SH3GL2: variants seen among roughly 807,000 people sequenced by gnomAD.
SH3GL2 encodes the protein endophilin-A1.
In SH3GL2, 24 loss-of-function variants were observed where a neutral mutation model predicts 46.0. That is an observed-to-expected ratio of 0.52 (90% CI 0.38 to 0.73). The LOEUF (loss-of-function observed/expected upper bound fraction) is 0.73, where lower values mean the gene tolerates loss of function less well. SH3GL2 is among the 30% of genes least tolerant of loss of function. The pLI, the probability that SH3GL2 is intolerant of heterozygous loss-of-function variation, is 0.00. For synonymous variants in SH3GL2, 196 were observed against 147.1 expected (o/e 1.33, Z -2.40); for missense variants, 413 against 424.2 (o/e 0.97, Z 0.23).
At chr9:17,671,639 A>T (rs1042887382) in intron 1 of SH3GL2, among the ~76,000 whole-genome samples, 2 of 152,188 alleles carry the variant, frequency 1.3e-5, no homozygotes, top group African/African-American at 2.4e-5. Context: ...AAACTAAAAA[A>T]AATTATAAAA....
At chr9:17,775,217 A>G (rs1311056140) in intron 3 of SH3GL2, among the ~76,000 whole-genome samples, 2 of 151,816 alleles carry the variant, frequency 1.3e-5, no homozygotes. Context: ...AATTTTGTTG[A>G]TCTTTTCCAA....
intron 1 of SH3GL2, among the ~76,000 whole-genome samples, chr9:17,587,942 A>G (rs1365545798): frequency 6.6e-6 from 1 of 151,680 alleles, no homozygotes; most frequent in African/African-American, 2.4e-5. Flanking sequence ...TAGGCTTCTG[A>G]TGTGTTTTCT....
intron 3 of SH3GL2, among the ~76,000 whole-genome samples, chr9:17,783,321 T>C (rs1161862322): frequency 6.6e-6 from 1 of 151,654 alleles, no homozygotes; most frequent in Non-Finnish European, 1.5e-5. Flanking sequence ...TTTGTTTGGA[T>C]TAGGAAATAA....
chr9:17,613,307 C>G (rs955418323), intron 1 of SH3GL2, among the ~76,000 whole-genome samples: 1 of 152,200 alleles, frequency 6.6e-6, no homozygotes, highest in Non-Finnish European at 1.5e-5. Flanking sequence ...TTTTCAACCA[C>G]TTTCTCTGTA....
At chr9:17,750,799 A>G (rs993146578) in intron 2 of SH3GL2, among the ~76,000 whole-genome samples, 3 of 152,184 alleles carry the variant, frequency 2.0e-5, no homozygotes, top group African/African-American at 7.2e-5. Flanking sequence ...GTACAGTTAC[A>G]TTCATTAATT....
intron 1 of SH3GL2, among the ~76,000 whole-genome samples, chr9:17,673,634 T>C (rs1293337333): frequency 2.0e-5 from 3 of 152,190 alleles, no homozygotes; most frequent in Non-Finnish European, 4.4e-5. Flanking sequence ...TAGCCAGCCA[T>C]GATCTCCTTG....
intron 1 of SH3GL2, among the ~76,000 whole-genome samples, chr9:17,728,038 G>C (rs1051543747): frequency 6.6e-6 from 1 of 152,136 alleles, no homozygotes; most frequent in African/African-American, 2.4e-5. Context: ...CATTGTATTT[G>C]TTACATGTTA....
chr9:17,626,122 G>T (rs145555881), intron 1 of SH3GL2, among the ~76,000 whole-genome samples: 1 of 152,192 alleles, frequency 6.6e-6, no homozygotes, highest in African/African-American at 2.4e-5. Context: ...GGCTCTGGCC[G>T]CAGGACACAG....
At chr9:17,606,568 T>G (rs565203952) in intron 1 of SH3GL2, among the ~76,000 whole-genome samples, 185 of 152,320 alleles carry the variant, frequency 1.2e-3, no homozygotes, top group African/African-American at 4.2e-3. Flanking sequence ...CAGTTCAGTT[T>G]CTTCTTTGTA....
At chr9:17,597,192 T>A (rs1195126953) in intron 1 of SH3GL2, among the ~76,000 whole-genome samples, 1 of 152,112 alleles carries the variant, frequency 6.6e-6, no homozygotes, top group East Asian at 1.9e-4. Flanking sequence ...AAACTTCGGG[T>A]TTTGGTCCTT....
chr9:17,659,663 T>C (rs1468454817), intron 1 of SH3GL2, among the ~76,000 whole-genome samples: 2 of 152,190 alleles, frequency 1.3e-5, no homozygotes, highest in Non-Finnish European at 2.9e-5. Flanking sequence ...ATGCGTTTAC[T>C]CTCAGAGTTT....
At chr9:17,685,760 A>G (rs559454345) in intron 1 of SH3GL2, among the ~76,000 whole-genome samples, 10 of 151,892 alleles carry the variant, frequency 6.6e-5, no homozygotes, top group African/African-American at 2.4e-4. Context: ...ATAGTTGTAG[A>G]TATGCGGCGT....
intron 1 of SH3GL2, among the ~76,000 whole-genome samples, chr9:17,643,661 C>G (rs953814108): frequency 2.6e-5 from 4 of 152,162 alleles, no homozygotes; most frequent in African/African-American, 7.2e-5. Flanking sequence ...GTTGAAGCAG[C>G]CTTGCATCCC....
intron 1 of SH3GL2, among the ~76,000 whole-genome samples, chr9:17,593,739 G>A (rs1387705998): frequency 1.2e-4 from 19 of 152,104 alleles, no homozygotes; most frequent in Admixed American, 1.2e-3. Context: ...TTCTGTGCCC[G>A]ATGTTCAGAA....
chr9:17,780,180 G>A (rs927781261), intron 3 of SH3GL2, among the ~76,000 whole-genome samples: 1 of 152,030 alleles, frequency 6.6e-6, no homozygotes, highest in Non-Finnish European at 1.5e-5. Context: ...AAAGGTACAT[G>A]GTTCAAGAAA....
intron 1 of SH3GL2, among the ~76,000 whole-genome samples, chr9:17,592,845 A>G (rs1818509609): frequency 6.6e-6 from 1 of 152,158 alleles, no homozygotes; most frequent in East Asian, 1.9e-4. Context: ...GGGACTGTTC[A>G]CCAGAAAGAC....
intron 1 of SH3GL2, among the ~76,000 whole-genome samples, chr9:17,690,668 G>T (rs1375234155): frequency 1.3e-5 from 2 of 152,064 alleles, no homozygotes; most frequent in African/African-American, 4.8e-5. Flanking sequence ...TCTACCTAAT[G>T]GGAGAATTAC....
intron 1 of SH3GL2, among the ~76,000 whole-genome samples, chr9:17,667,657 T>C (rs1820379634): frequency 6.6e-6 from 1 of 152,210 alleles, no homozygotes; most frequent in Non-Finnish European, 1.5e-5. Context: ...AAATTTTCTT[T>C]TTTTTGCATA....
intron 3 of SH3GL2, among the ~76,000 whole-genome samples, chr9:17,785,192 C>T (rs893207130): frequency 1.3e-5 from 2 of 152,074 alleles, no homozygotes; most frequent in African/African-American, 4.8e-5. Context: ...TTTGCGATGC[C>T]CCTCCCCAAC....
Sources: gnomAD v4.1 joint callset for allele counts (sites outside exome capture counted in the v4.1 genomes callset) on GRCh38, gnomAD v4.1.1 for gene constraint, MANE v1.5 for transcripts, NCBI Gene and HGNC (gene_info 2026-07-23, HGNC 2026-07-21) for gene names.